The following TRPC6 variants were observed in gnomAD, a reference collection of about 807,000 sequenced individuals.
The protein encoded by TRPC6 is short transient receptor potential channel 6.
In TRPC6, 55 loss-of-function variants were observed where a neutral mutation model predicts 90.7. The ratio of observed to expected loss-of-function variants is 0.61; its 90% confidence interval spans 0.49 to 0.76. The LOEUF is 0.76. Among genes scored for constraint, TRPC6 ranks in the 30% least tolerant of loss-of-function variants. The probability of loss-of-function intolerance (pLI) is 0.00; values close to 1 mark genes in which losing one functional copy is unlikely to be tolerated. For missense variants in TRPC6, 989 were observed against 1,122.7 expected, an observed-to-expected ratio of 0.88 and a Z score of 1.70; for synonymous variants, 393 against 393.0, an observed-to-expected ratio of 1.00 and a Z score of 0.00.
At chr11:101,485,576 A>C (rs899806280) in intron 4 of TRPC6, among the ~76,000 whole-genome samples, 1 of 129,756 alleles carries the variant, frequency 7.7e-6, no homozygotes, top group Non-Finnish European at 1.6e-5. Context: ...TAAATCCTAA[A>C]CTTTTTTTTT....
At chr11:101,506,819 G>T in intron 1 of TRPC6, among the ~76,000 whole-genome samples, 1 of 151,676 alleles carries the variant, frequency 6.6e-6, no homozygotes, top group Non-Finnish European at 1.5e-5. Flanking sequence ...GCATATTTTA[G>T]TTTATTCTAT....
intron 1 of TRPC6, among the ~76,000 whole-genome samples, chr11:101,574,075 T>C (rs1327358777): frequency 6.6e-6 from 1 of 150,808 alleles, no homozygotes; most frequent in Non-Finnish European, 1.5e-5. Flanking sequence ...AATTGCAAAC[T>C]CAGTTTAATT....
intron 1 of TRPC6, among the ~76,000 whole-genome samples, chr11:101,568,304 G>C: frequency 6.6e-6 from 1 of 152,100 alleles, no homozygotes; most frequent in East Asian, 1.9e-4. Flanking sequence ...ATGAAGACAA[G>C]ATTAGAGAAA....
chr11:101,475,649 C>T (rs921937520), intron 6 of TRPC6, among the ~76,000 whole-genome samples: 2 of 150,616 alleles, frequency 1.3e-5, no homozygotes, highest in Non-Finnish European at 2.9e-5. Flanking sequence ...TTACCCCAGC[C>T]CCTGACAACC....
chr11:101,528,080 T>A lies in TRPC6; in HGVS notation c.171-23282A>T, dbSNP rs556217821. Among the ~76,000 whole-genome samples the A allele has an allele frequency of 2.0e-3, 301 of 151,908 alleles. 1 individual carries two copies. The highest frequency in any genetic ancestry group is 6.6e-3 in the African/African-American group (274 of 41,434). ...AGAGTGAGACTCCATCTCAAAAAAA[T>A]ATATATATATATTTGTCTATGTCTA... On this transcript the variant is annotated intron_variant, in intron 1 of 12. Transcript: ENST00000344327.
intron 5 of TRPC6, among the ~76,000 whole-genome samples, chr11:101,480,613 T>G (rs1441246579): frequency 6.6e-6 from 1 of 152,008 alleles, no homozygotes; most frequent in Non-Finnish European, 1.5e-5. Context: ...AAGTTTCATC[T>G]TGTCCTAAAA....
intron 1 of TRPC6, among the ~76,000 whole-genome samples, chr11:101,508,443 A>G (rs530923075): frequency 4.0e-4 from 61 of 152,264 alleles, no homozygotes; most frequent in African/African-American, 1.4e-3. Flanking sequence ...AACAAGATGG[A>G]TGAGGTAGAA....
intron 1 of TRPC6, among the ~76,000 whole-genome samples, chr11:101,568,040 G>A (rs1861875465): frequency 6.6e-6 from 1 of 152,140 alleles, no homozygotes; most frequent in Non-Finnish European, 1.5e-5. Flanking sequence ...ACAGAAATAG[G>A]CTTCAGAAGG....
At chr11:101,565,121 A>G (rs553830522) in intron 1 of TRPC6, among the ~76,000 whole-genome samples, 1 of 152,220 alleles carries the variant, frequency 6.6e-6, no homozygotes, top group East Asian at 1.9e-4. Flanking sequence ...ACACATAGGA[A>G]AAAAGCTCCT....
At chr11:101,482,309 G>T (rs2136689649) in intron 5 of TRPC6, among the ~76,000 whole-genome samples, 1 of 152,198 alleles carries the variant, frequency 6.6e-6, no homozygotes, top group African/African-American at 2.4e-5. Flanking sequence ...TATCTTTATT[G>T]TTTGCATTAT....
rs553331531 is a variant in TRPC6 at position 101,552,999 on chromosome 11, T to G, written c.170+30335A>C. On this transcript the variant is annotated intron_variant, in intron 1 of 12. Coordinates refer to ENST00000344327, the MANE Select transcript of TRPC6 (RefSeq NM_004621.6). Reference sequence around the variant, plus strand: ...GGCTGAGAAATATGTGGTATTTGGCTAATGTGAAAAGAGAAGCTTCCTTAA... The same window carrying G: ...GGCTGAGAAATATGTGGTATTTGGCGAATGTGAAAAGAGAAGCTTCCTTAA... Among the ~76,000 whole-genome samples the G allele has an allele frequency of 2.0e-5, 3 of 152,258 alleles. No individual in the cohort carries two copies. The South Asian group carries it at 6.2e-4, about 32-fold the overall frequency.
At chr11:101,501,424 A>G (rs1860121827) in intron 2 of TRPC6, among the ~76,000 whole-genome samples, 1 of 152,068 alleles carries the variant, frequency 6.6e-6, no homozygotes. Flanking sequence ...AAGAAAAAAG[A>G]AGTTATTTTT....
chr11:101,546,484 G>C (rs1861310770), intron 1 of TRPC6, among the ~76,000 whole-genome samples: 1 of 152,160 alleles, frequency 6.6e-6, no homozygotes, highest in Non-Finnish European at 1.5e-5. Context: ...ACATGCATAA[G>C]TTAATGAATG....
intron 1 of TRPC6, among the ~76,000 whole-genome samples, chr11:101,548,637 T>C (rs1024033891): frequency 1.3e-5 from 2 of 150,982 alleles, no homozygotes; most frequent in African/African-American, 4.9e-5. Flanking sequence ...CGTACCATTC[T>C]CACTTCAAGA....
chr11:101,468,816 T>TA (rs1859211999), intron 10 of TRPC6, among the ~76,000 whole-genome samples: 1 of 152,242 alleles, frequency 6.6e-6, no homozygotes, highest in African/African-American at 2.4e-5. Context: ...ATGCAGGTCT[T>TA]ACCTGATACA....
chr11:101,466,692 G>GC (rs1322222206), intron 10 of TRPC6, among the ~76,000 whole-genome samples: 6 of 152,194 alleles, frequency 3.9e-5, no homozygotes, highest in Non-Finnish European at 5.9e-5. Context: ...CCTGGCTTCA[G>GC]CCCCCTTTCC....
chr11:101,534,834 G>A (rs1331524824), intron 1 of TRPC6, among the ~76,000 whole-genome samples: 3 of 152,038 alleles, frequency 2.0e-5, no homozygotes, highest in Non-Finnish European at 4.4e-5. Flanking sequence ...AACGTATATG[G>A]TTCATATAAA....
intron 1 of TRPC6, among the ~76,000 whole-genome samples, chr11:101,536,715 G>A (rs1861057168): frequency 1.3e-5 from 2 of 152,118 alleles, no homozygotes; most frequent in South Asian, 4.1e-4. Flanking sequence ...TGCCTCTCTG[G>A]GCTCAGTCAT....
At chr11:101,583,153 C>A in intron 1 of TRPC6, 181 bp downstream of exon 1, 1 of 984,992 alleles carries the variant, frequency 1.0e-6, no homozygotes, top group East Asian at 1.1e-4. Context: ...CTCCCCCACT[C>A]CCCGCGCGCC....
Sources: gnomAD v4.1 joint callset for allele counts (sites outside exome capture counted in the v4.1 genomes callset) on GRCh38, gnomAD v4.1.1 for gene constraint, MANE v1.5 for transcripts, NCBI Gene and HGNC (gene_info 2026-07-23, HGNC 2026-07-21) for gene names.